The following TM9SF2 variants were observed in gnomAD, a reference collection of about 807,000 sequenced individuals.
TM9SF2 encodes 76 kDa membrane protein.
Under a neutral mutation model 84.9 loss-of-function variants are expected in TM9SF2, and 13 were observed. The ratio of observed to expected loss-of-function variants is 0.15; its 90% confidence interval spans 0.10 to 0.24. The LOEUF (loss-of-function observed/expected upper bound fraction) is 0.24, where lower values mean the gene tolerates loss of function less well. Among genes scored for constraint, TM9SF2 ranks in the 10% least tolerant of loss-of-function variants. TM9SF2 has a pLI of 1.00. For missense variants in TM9SF2, 562 were observed against 818.5 expected (o/e 0.69, Z 3.82); for synonymous variants, 273 against 285.8 (o/e 0.96, Z 0.45).
chr13:99,501,533 G>C lies in TM9SF2; in HGVS notation c.-74G>C. Reference sequence around the variant, plus strand: ...CTTTATCTCTGGCGGCCTTGTAGTCGTCTCCGAGACTCCCCACCCCTCCTT... The same window carrying C: ...CTTTATCTCTGGCGGCCTTGTAGTCCTCTCCGAGACTCCCCACCCCTCCTT... On this transcript the variant is annotated 5_prime_UTR_variant, in exon 1 of 17. Coordinates refer to ENST00000376387, the MANE Select transcript of TM9SF2 (RefSeq NM_004800.3). 1 of 1,540,806 alleles carries C rather than the reference G, an allele frequency of 6.5e-7. No homozygotes were observed. Among genetic ancestry groups the C allele is most frequent in the Non-Finnish European group, 8.8e-7 (1 of 1,142,098 alleles).
chr13:99,512,778 G>A (rs1164744386), intron 1 of TM9SF2, among the ~76,000 whole-genome samples: 2 of 152,218 alleles, frequency 1.3e-5, no homozygotes, highest in Non-Finnish European at 2.9e-5. Flanking sequence ...TTTAAAGGAA[G>A]TGTGGCTTGG....
chr13:99,561,159 A>G (rs2046343708), intron 16 of TM9SF2, among the ~76,000 whole-genome samples: 1 of 152,218 alleles, frequency 6.6e-6, no homozygotes, highest in Admixed American at 6.5e-5. Context: ...ATAAGGGAGT[A>G]GTGAGCCCTT....
intron 3 of TM9SF2, among the ~76,000 whole-genome samples, chr13:99,527,920 T>G (rs1566566791): frequency 6.6e-6 from 1 of 152,182 alleles, no homozygotes; most frequent in Non-Finnish European, 1.5e-5. Flanking sequence ...TTCCCTGGTC[T>G]CCTAACAAGA....
intron 9 of TM9SF2, among the ~76,000 whole-genome samples, chr13:99,542,887 C>A (rs1566570875): frequency 6.6e-6 from 1 of 152,154 alleles, no homozygotes; most frequent in African/African-American, 2.4e-5. Flanking sequence ...GCACAGCAGT[C>A]AGAGTGAAAC....
intron 3 of TM9SF2, among the ~76,000 whole-genome samples, chr13:99,526,195 A>G (rs2046182659): frequency 6.6e-6 from 1 of 152,182 alleles, no homozygotes; most frequent in African/African-American, 2.4e-5. Context: ...ATAGAGCAGG[A>G]GTGTGGAGCG....
chr13:99,561,166 C>G (rs1206404748), intron 16 of TM9SF2, among the ~76,000 whole-genome samples: 1 of 152,046 alleles, frequency 6.6e-6, no homozygotes, highest in Admixed American at 6.6e-5. Context: ...AGTAGTGAGC[C>G]CTTTAAATGC....
intron 7 of TM9SF2, among the ~76,000 whole-genome samples, chr13:99,539,888 A>C (rs1015905758): frequency 6.6e-6 from 1 of 152,238 alleles, no homozygotes; most frequent in Non-Finnish European, 1.5e-5. Flanking sequence ...TCAACACCGT[A>C]CTTTAAAGGA....
At chr13:99,541,733 T>C in intron 9 of TM9SF2, 66 bp downstream of exon 9, 1 of 1,023,226 alleles carries the variant, frequency 9.8e-7, no homozygotes, top group Non-Finnish European at 1.4e-6. Context: ...TGCAAAAAGG[T>C]AAAATAATAG....
chr13:99,556,432 G>T (rs1204480249), intron 15 of TM9SF2, among the ~76,000 whole-genome samples: 1 of 152,100 alleles, frequency 6.6e-6, no homozygotes, highest in Non-Finnish European at 1.5e-5. Flanking sequence ...GCAGCCAACG[G>T]TCTGCTTTCT....
intron 12 of TM9SF2, among the ~76,000 whole-genome samples, chr13:99,550,964 A>G (rs2046303655): frequency 6.6e-6 from 1 of 152,244 alleles, no homozygotes; most frequent in Non-Finnish European, 1.5e-5. Flanking sequence ...TTTATAGATA[A>G]CATTATTTGT....
At chr13:99,559,241 A>G in intron 15 of TM9SF2, 122 bp from the exon 16 acceptor site, 3 of 824,870 alleles carry the variant, frequency 3.6e-6, no homozygotes, top group Non-Finnish European at 5.3e-6. Flanking sequence ...AAGAGCCTGG[A>G]ACTGATAGCA....
At chr13:99,508,621 C>T (rs542511563) in intron 1 of TM9SF2, among the ~76,000 whole-genome samples, 10 of 152,168 alleles carry the variant, frequency 6.6e-5, no homozygotes, top group South Asian at 6.2e-4. Context: ...AAGCATGGCA[C>T]GGACATCGCT....
Position 99,562,854 on chromosome 13 carries a change from T to C in TM9SF2, c.*96T>C. 3 of 1,199,692 alleles carry C rather than the reference T, an allele frequency of 2.5e-6. No individual in the cohort carries two copies. Among genetic ancestry groups the C allele is most frequent in the Admixed American group, 2.0e-5 (1 of 50,308 alleles). 74.3% of individuals were successfully genotyped at this position (1,199,692 alleles called of 1,614,324 possible). ...CTGCCTTGAGTTTTATCAGAATTAT[T>C]GGCCTAGTAATCCTTCAGAAACACC... On this transcript the variant is annotated 3_prime_UTR_variant, in exon 17 of 17. Coordinates refer to ENST00000376387, the MANE Select transcript of TM9SF2 (RefSeq NM_004800.3).
intron 3 of TM9SF2, among the ~76,000 whole-genome samples, chr13:99,520,783 T>A (rs1254259362): frequency 1.3e-5 from 2 of 152,188 alleles, no homozygotes; most frequent in South Asian, 4.1e-4. Context: ...TTGGTCAGGC[T>A]GGTCTCAAAC....
chr13:99,531,509 A>C (rs1031535235), intron 4 of TM9SF2, among the ~76,000 whole-genome samples: 1 of 151,870 alleles, frequency 6.6e-6, no homozygotes, highest in Non-Finnish European at 1.5e-5. Flanking sequence ...CAACCCCCAT[A>C]TGCATAGAAC....
At chr13:99,562,316 C>A (rs1404322413) in intron 16 of TM9SF2, among the ~76,000 whole-genome samples, 4 of 152,180 alleles carry the variant, frequency 2.6e-5, no homozygotes, top group African/African-American at 7.2e-5. Context: ...ATTATTTGAA[C>A]CTGTTTTAAT....
intron 15 of TM9SF2, among the ~76,000 whole-genome samples, chr13:99,556,180 T>TTTA (rs2046323900): frequency 6.6e-6 from 1 of 151,796 alleles, no homozygotes; most frequent in Non-Finnish European, 1.5e-5. Flanking sequence ...CTATTTAATA[T>TTTA]TGTCTATATT....
In TM9SF2 at chr13:99,527,579, A is replaced by G. The variant is rs568209091; in HGVS notation, c.334-1888A>G. 5.3e-5 allele frequency among the ~76,000 whole-genome samples: 8 copies of G among 152,292 alleles called. No individual in the cohort carries two copies. In the South Asian group the frequency reaches 1.2e-3, roughly 24 times the overall value. On this transcript the variant is annotated intron_variant, in intron 3 of 16. Coordinates refer to ENST00000376387, the MANE Select transcript of TM9SF2 (RefSeq NM_004800.3). ...CGTGGGGATTACAATTCAGATCACA[A>G]TTGGAGATAAGATTTGGGTGGGGAC...
intron 1 of TM9SF2, among the ~76,000 whole-genome samples, chr13:99,508,473 C>A (rs905316425): frequency 4.0e-5 from 6 of 149,254 alleles, no homozygotes; most frequent in African/African-American, 1.5e-4. Flanking sequence ...ACTCCAAGAA[C>A]ATATAAATAA....
Sources: allele counts gnomAD v4.1 joint callset (sites outside exome capture counted in the v4.1 genomes callset), GRCh38; gene constraint gnomAD v4.1.1; transcripts MANE v1.5; gene names NCBI Gene and HGNC (gene_info 2026-07-23, HGNC 2026-07-21).